The following AGAP1 variants were observed in gnomAD, a reference collection of about 807,000 sequenced individuals.
The protein encoded by AGAP1 is ArfGAP with GTPase domain, ankyrin repeat and PH domain 1, also known as arf-GAP with GTPase, ANK repeat and PH domain-containing protein 1.
A neutral mutation model predicts 105.3 loss-of-function variants in AGAP1; 29 were observed. The ratio of observed to expected loss-of-function variants is 0.28; its 90% CI spans 0.21 to 0.38. AGAP1 has a LOEUF of 0.38. Ranked by LOEUF, AGAP1 falls within the 10% of genes least tolerant of loss-of-function variation. The pLI is 1.00. For missense variants in AGAP1, 998 were observed against 1,165.1 expected, an observed-to-expected ratio of 0.86 and a Z score of 2.09; for synonymous variants, 509 against 485.9, an observed-to-expected ratio of 1.05 and a Z score of -0.63.
Position 235,790,679 on chromosome 2 carries a change from C to T in AGAP1, c.674-7080C>T, listed in dbSNP as rs183626875. On this transcript the variant is annotated intron_variant, in intron 6 of 17. Coordinates refer to ENST00000304032, the MANE Select transcript of AGAP1 (RefSeq NM_001037131.3). ...TTCTAGTTGCCTGTTTCAGCATCTT[C>T]TCCCACTACCTTCTTATAACCTTCC... 2.6e-5 allele frequency among the ~76,000 whole-genome samples: 4 copies of T among 152,350 alleles called. No homozygotes were observed. The East Asian group carries it at 7.7e-4, about 29-fold the overall frequency.
intron 9 of AGAP1, among the ~76,000 whole-genome samples, chr2:235,833,869 T>C (rs1959779612): frequency 6.6e-6 from 1 of 151,480 alleles, no homozygotes; most frequent in African/African-American, 2.4e-5. Flanking sequence ...TTTTTTTTTT[T>C]TTTTTAAAGC....
chr2:236,022,086 A>ATGG (rs1407681031), intron 13 of AGAP1, among the ~76,000 whole-genome samples: 18 of 148,912 alleles, frequency 1.2e-4, no homozygotes, highest in African/African-American at 4.0e-4. Flanking sequence ...AAAGGCACAT[A>ATGG]TGGCACCCTA....
At chr2:235,780,831 G>C (rs1233701200) in intron 6 of AGAP1, among the ~76,000 whole-genome samples, 1 of 152,166 alleles carries the variant, frequency 6.6e-6, no homozygotes, top group Admixed American at 6.5e-5. Flanking sequence ...GCCGAGGCTG[G>C]GGTAATTATA....
intron 11 of AGAP1, among the ~76,000 whole-genome samples, chr2:235,920,388 C>T (rs1038811991): frequency 2.0e-5 from 3 of 152,234 alleles, no homozygotes; most frequent in African/African-American, 7.2e-5. Flanking sequence ...CTCACTGTCA[C>T]CTGCTGTCAG....
At chr2:235,540,148 CTTTTT>C (rs535395155) in intron 1 of AGAP1, among the ~76,000 whole-genome samples, 1 of 129,110 alleles carries the variant, frequency 7.7e-6, no homozygotes. Flanking sequence ...CCTCTCTCCT[CTTTTT>C]TTTTTTTTTT....
rs778303711 is a variant in AGAP1 at position 235,599,819 on chromosome 2, C to G, written c.163+104970C>G. 2.6e-5 allele frequency among the ~76,000 whole-genome samples: 4 copies of G among 152,200 alleles called. No homozygotes were observed. Among genetic ancestry groups the G allele is most frequent in the Non-Finnish European group, 5.9e-5 (4 of 68,034 alleles). ...AGGGCTGGGAAGATGAGCAGGGATC[C>G]TGGGATGTGATGGCACGGTCAGTCG... is the stretch of plus-strand genomic sequence containing the variant. On this transcript the variant is annotated intron_variant, in intron 1 of 17. Coordinates refer to ENST00000304032, the MANE Select transcript of AGAP1 (RefSeq NM_001037131.3). The surrounding 1 kb of genome is among the most constrained non-coding windows in gnomAD (Gnocchi z 5.3).
intron 12 of AGAP1, among the ~76,000 whole-genome samples, chr2:235,968,059 A>G (rs1177656629): frequency 6.6e-6 from 1 of 152,204 alleles, no homozygotes; most frequent in Non-Finnish European, 1.5e-5. Context: ...CCCACTTAAG[A>G]TGATATTTCC....
chr2:235,850,230 G>A (rs181395671), intron 9 of AGAP1, among the ~76,000 whole-genome samples: 2 of 152,370 alleles, frequency 1.3e-5, no homozygotes, highest in East Asian at 1.9e-4. Flanking sequence ...AGGAAGATGT[G>A]CGTGTTCCAA....
rs1478726039 is a variant in AGAP1 at position 235,843,682 on chromosome 2, C to A, written c.1050+36351C>A. On this transcript the variant is annotated intron_variant, in intron 9 of 17. Coordinates refer to ENST00000304032, the MANE Select transcript of AGAP1 (RefSeq NM_001037131.3). The surrounding 1 kb of genome is among the most constrained non-coding windows in gnomAD (Gnocchi z 5.9). Reference sequence around the variant, plus strand: ...TCTGAGATCTCTGTTTTAAGGCCAGCTCTCCCTAGATGTGTAGCCACTGGG... The same window carrying A: ...TCTGAGATCTCTGTTTTAAGGCCAGATCTCCCTAGATGTGTAGCCACTGGG... Among the ~76,000 whole-genome samples, 2 of 152,166 alleles carry A rather than the reference C, an allele frequency of 1.3e-5. No individual in the cohort carries two copies. The highest frequency in any genetic ancestry group is 2.1e-4 in the South Asian group (1 of 4,832).
chr2:235,786,682 G>T (rs1017672149), intron 6 of AGAP1, among the ~76,000 whole-genome samples: 2 of 152,182 alleles, frequency 1.3e-5, no homozygotes, highest in Non-Finnish European at 2.9e-5. Context: ...TCTGGAAAAT[G>T]AAAAGCTATC....
chr2:235,882,714 A>C lies in AGAP1; in HGVS notation c.1051-631A>C, dbSNP rs1031174513. Among the ~76,000 whole-genome samples, 2 of 152,146 alleles carry C rather than the reference A, an allele frequency of 1.3e-5. No homozygotes were observed. The highest frequency in any genetic ancestry group is 6.5e-5 in the Admixed American group (1 of 15,276). On this transcript the variant is annotated intron_variant, in intron 9 of 17. Coordinates refer to ENST00000304032, the MANE Select transcript of AGAP1 (RefSeq NM_001037131.3). The surrounding 1 kb of genome is among the most constrained non-coding windows in gnomAD (Gnocchi z 4.6). ...GGCCTCAAACTCCTGACCTCAGGTG[A>C]TCTGCCCACCTCGGCCTCCCAAAGT... is the stretch of plus-strand genomic sequence containing the variant.
At chr2:236,066,667 A>G (rs1285527742) in intron 16 of AGAP1, among the ~76,000 whole-genome samples, 1 of 152,226 alleles carries the variant, frequency 6.6e-6, no homozygotes, top group African/African-American at 2.4e-5. Context: ...GCTTTTTAAA[A>G]AATTTATATT....
intron 1 of AGAP1, among the ~76,000 whole-genome samples, chr2:235,703,220 G>A (rs1448941984): frequency 1.3e-5 from 2 of 152,056 alleles, no homozygotes; most frequent in East Asian, 2.0e-4. Context: ...GAGTCACCAC[G>A]CCCGGCCCGA....
chr2:236,013,886 G>T (rs113372533), intron 13 of AGAP1, among the ~76,000 whole-genome samples: 2 of 152,244 alleles, frequency 1.3e-5, no homozygotes, highest in African/African-American at 4.8e-5. Context: ...TCTCCTGAAG[G>T]GCGGAGAGAA....
At chr2:235,738,758 G>A (rs1412832606) in intron 3 of AGAP1, among the ~76,000 whole-genome samples, 13 of 151,728 alleles carry the variant, frequency 8.6e-5, no homozygotes, top group Admixed American at 6.6e-4. Flanking sequence ...GGGTTTCACC[G>A]TGTTGGTCAT....
intron 1 of AGAP1, among the ~76,000 whole-genome samples, chr2:235,649,066 A>C (rs1265667932): frequency 5.3e-5 from 8 of 152,182 alleles, no homozygotes; most frequent in African/African-American, 1.7e-4. Context: ...GAGTAGTTAC[A>C]CTTTTCTGGA....
At chr2:236,111,422 A>G (rs990976089) in intron 16 of AGAP1, among the ~76,000 whole-genome samples, 5 of 151,998 alleles carry the variant, frequency 3.3e-5, no homozygotes, top group Middle Eastern at 3.2e-3. Context: ...GGGCTGAGGT[A>G]GGAGGATCAC....
Position 235,551,500 on chromosome 2 carries a change from T to C in AGAP1, c.163+56651T>C, listed in dbSNP as rs993561720. Among the ~76,000 whole-genome samples, 14 of 152,202 alleles carry C rather than the reference T, an allele frequency of 9.2e-5. No homozygotes were observed. Among genetic ancestry groups the C allele is most frequent in the African/African-American group, 3.4e-4 (14 of 41,542 alleles). ...TTTTTTGTAGAGACGGGTCGTCCAG[T>C]GATACTCAGATTGGTCTCTAACTCC... On this transcript the variant is annotated intron_variant, in intron 1 of 17. Coordinates refer to ENST00000304032, the MANE Select transcript of AGAP1 (RefSeq NM_001037131.3). The surrounding 1 kb of genome is among the most constrained non-coding windows in gnomAD (Gnocchi z 4.8).
chr2:235,935,465 A>G (rs186595722), intron 12 of AGAP1, among the ~76,000 whole-genome samples: 45 of 152,346 alleles, frequency 3.0e-4, no homozygotes, highest in Middle Eastern at 3.4e-3. Flanking sequence ...TTTTGCAGCA[A>G]GAGAGAATAA....
Sources: gnomAD v4.1 joint callset for allele counts (sites outside exome capture counted in the v4.1 genomes callset) on GRCh38, gnomAD v4.1.1 for gene constraint, Gnocchi (gnomAD v3.1) non-coding constraint, MANE v1.5 for transcripts, NCBI Gene and HGNC (gene_info 2026-07-23, HGNC 2026-07-21) for gene names.